Variants in ZSWIM6 observed in about 807,000 individuals in gnomAD.
ZSWIM6 encodes zinc finger SWIM-type containing 6, also known as zinc finger SWIM domain-containing protein 6.
Under a neutral mutation model 113.2 loss-of-function variants are expected in ZSWIM6, and 9 were observed. The observed-to-expected ratio is 0.08, with a 90% CI of 0.05 to 0.14. ZSWIM6 has a LOEUF of 0.14. Ranked by LOEUF, ZSWIM6 falls within the 10% of genes least tolerant of loss-of-function variation. ZSWIM6 has a pLI of 1.00. For missense variants in ZSWIM6, 1,162 were observed against 1,552.2 expected (o/e 0.75, Z 4.22); for synonymous variants, 611 against 606.5 (o/e 1.01, Z -0.11).
chr5:61,401,194 C>T (rs1745933794), intron 1 of ZSWIM6, among the ~76,000 whole-genome samples: 1 of 151,910 alleles, frequency 6.6e-6, no homozygotes, highest in South Asian at 2.1e-4. Context: ...GCATTCCTGA[C>T]CTGGAGTGCC....
At chr5:61,483,374 C>T (rs1324395255) in intron 2 of ZSWIM6, among the ~76,000 whole-genome samples, 1 of 152,184 alleles carries the variant, frequency 6.6e-6, no homozygotes, top group Admixed American at 6.5e-5. Flanking sequence ...CCTTTCAATA[C>T]TGCCACAATG....
chr5:61,470,065 C>T (rs977276385), intron 1 of ZSWIM6, among the ~76,000 whole-genome samples: 1 of 152,200 alleles, frequency 6.6e-6, no homozygotes, highest in African/African-American at 2.4e-5. Flanking sequence ...TCTTTAAATA[C>T]TAACTGGTTT....
At chr5:61,531,365 T>C in intron 8 of ZSWIM6, 100 bp from the exon 9 acceptor site, 1 of 1,352,542 alleles carries the variant, frequency 7.4e-7, no homozygotes, top group Non-Finnish European at 9.9e-7. Flanking sequence ...CATTAATCCA[T>C]AATTCATTTG....
chr5:61,504,859 C>G (rs1044707652), intron 4 of ZSWIM6, among the ~76,000 whole-genome samples: 2 of 152,078 alleles, frequency 1.3e-5, no homozygotes, highest in Admixed American at 1.3e-4. Flanking sequence ...ATAGTGCCCT[C>G]AATTGTAGGC....
chr5:61,436,979 C>T (rs1746721175), intron 1 of ZSWIM6, among the ~76,000 whole-genome samples: 1 of 152,170 alleles, frequency 6.6e-6, no homozygotes, highest in Admixed American at 6.6e-5. Flanking sequence ...CACTTAGAGC[C>T]ATTCTTCGAT....
chr5:61,332,443 C>T lies in ZSWIM6; in HGVS notation c.171C>T (p.Cys57=), dbSNP rs1156341429. The change falls in exon 1 of 14, where the codon TGC becomes TGT. Residue 57 remains cysteine, a synonymous_variant. Transcript: ENST00000252744. ...RAGGAAAAAA[C]GGGAALGLLP... is the part of the protein sequence containing the mutation. ...GTGGCGCGGCGGCGGCGGCGGCGTG[C>T]GGGGGCGGCGCGGCGCTGGGGTTGC... 16 of 1,014,842 alleles carry T rather than the reference C, an allele frequency of 1.6e-5. 1 individual carries two copies. The East Asian group carries it at 1.3e-3, about 80-fold the overall frequency. 62.9% of individuals were successfully genotyped at this position (1,014,842 alleles called of 1,614,324 possible). A position where few individuals can be genotyped will look rare whatever the true frequency, so the allele number is the denominator to read the frequency against.
At chr5:61,352,239 C>T (rs1289829247) in intron 1 of ZSWIM6, among the ~76,000 whole-genome samples, 1 of 152,242 alleles carries the variant, frequency 6.6e-6, no homozygotes, top group African/African-American at 2.4e-5. Context: ...CAACAAATTA[C>T]CTCCTTTGAA....
At chr5:61,538,996 T>A in intron 11 of ZSWIM6, 25 bp downstream of exon 11, 1 of 1,478,604 alleles carries the variant, frequency 6.8e-7, no homozygotes, top group Non-Finnish European at 9.0e-7. Context: ...TGAGGCCTCA[T>A]AATTGTTTCA....
chr5:61,366,203 CA>C (rs1745147647), intron 1 of ZSWIM6, among the ~76,000 whole-genome samples: 1 of 152,170 alleles, frequency 6.6e-6, no homozygotes, highest in African/African-American at 2.4e-5. Flanking sequence ...GCCTAAGTGT[CA>C]TTTTTAATTT....
chr5:61,423,433 A>ACAAAAAAAAAACC (rs1400419190), intron 1 of ZSWIM6, among the ~76,000 whole-genome samples: 4 of 151,780 alleles, frequency 2.6e-5, no homozygotes, highest in African/African-American at 9.7e-5. Context: ...AAAAAAAAAC[A>ACAAAAAAAAAACC]AAACGGCAAC....
In ZSWIM6 at chr5:61,472,186, A is replaced by G. The variant is rs1358072850; in HGVS notation, c.677-495A>G. Among the ~76,000 whole-genome samples, 2 of 152,178 alleles carry G rather than the reference A, an allele frequency of 1.3e-5. No homozygotes were observed. The highest frequency in any genetic ancestry group is 1.9e-4 in the East Asian group (1 of 5,196). On this transcript the variant is annotated intron_variant, in intron 1 of 13. Coordinates refer to ENST00000252744, the MANE Select transcript of ZSWIM6 (RefSeq NM_020928.2). This position sits in a 1 kb window ranked among gnomAD's most constrained non-coding sequence, Gnocchi z 4.1. ...GTGGAAGGGACTCCCTTAGAGTTGC[A>G]GTATTGGTTGGTTGGAGCCAGCTAG...
chr5:61,541,711 G>T (rs769170157), intron 12 of ZSWIM6, among the ~76,000 whole-genome samples, 173 bp from the exon 13 acceptor site: 4 of 152,178 alleles, frequency 2.6e-5, no homozygotes, highest in Non-Finnish European at 5.9e-5. Context: ...GGCCACCTGG[G>T]GTAGCCATGG....
Position 61,472,595 on chromosome 5 carries a change from A to G in ZSWIM6, c.677-86A>G. 1 of 1,080,566 alleles carries G rather than the reference A, an allele frequency of 9.3e-7. No homozygotes were observed. The highest frequency in any genetic ancestry group is 1.3e-6 in the Non-Finnish European group (1 of 787,922). 66.9% of individuals were successfully genotyped at this position (1,080,566 alleles called of 1,614,324 possible). A position where few individuals can be genotyped will look rare whatever the true frequency, so the allele number is the denominator to read the frequency against. On this transcript the variant is annotated intron_variant, in intron 1 of 13. Transcript: ENST00000252744. This position sits in a 1 kb window ranked among gnomAD's most constrained non-coding sequence, Gnocchi z 4.1. Reference sequence around the variant, plus strand: ...TCATATTTTTTTCTTGCTGCTGTCAAGTCCCACACATTTCAAAGAATTAGA... The same window carrying G: ...TCATATTTTTTTCTTGCTGCTGTCAGGTCCCACACATTTCAAAGAATTAGA...
At chr5:61,465,384 T>G (rs986702599) in intron 1 of ZSWIM6, among the ~76,000 whole-genome samples, 1 of 152,116 alleles carries the variant, frequency 6.6e-6, no homozygotes, top group Non-Finnish European at 1.5e-5. Context: ...GGAACCCTTA[T>G]GTGCTTCAGG....
intron 1 of ZSWIM6, among the ~76,000 whole-genome samples, chr5:61,396,997 G>C (rs1410834525): frequency 6.6e-6 from 1 of 152,146 alleles, no homozygotes; most frequent in African/African-American, 2.4e-5. Flanking sequence ...GTTAGGTAGG[G>C]AACTGCTTCT....
chr5:61,517,716 A>G (rs867294522), intron 4 of ZSWIM6, among the ~76,000 whole-genome samples: 25 of 151,896 alleles, frequency 1.6e-4, no homozygotes, highest in Admixed American at 3.3e-4. Flanking sequence ...ATATTGTATC[A>G]TGAGAGCCTG....
At chr5:61,363,167 C>G (rs1036766837) in intron 1 of ZSWIM6, among the ~76,000 whole-genome samples, 5 of 152,144 alleles carry the variant, frequency 3.3e-5, no homozygotes, top group Admixed American at 6.5e-5. Flanking sequence ...GCACTGCCTG[C>G]AAGGAAGGTG....
chr5:61,441,320 A>G (rs549844641), intron 1 of ZSWIM6, among the ~76,000 whole-genome samples: 2 of 152,204 alleles, frequency 1.3e-5, no homozygotes, highest in African/African-American at 2.4e-5. Context: ...GGATAGCTTT[A>G]TGGTTAGTCT....
intron 1 of ZSWIM6, among the ~76,000 whole-genome samples, chr5:61,355,241 G>A (rs1744873822): frequency 6.6e-6 from 1 of 152,152 alleles, no homozygotes; most frequent in Non-Finnish European, 1.5e-5. Context: ...AAGCCCAGGA[G>A]ATGAGAATTC....
Sources: allele counts gnomAD v4.1 joint callset (sites outside exome capture counted in the v4.1 genomes callset), GRCh38; gene constraint gnomAD v4.1.1; non-coding constraint Gnocchi (gnomAD v3.1); transcripts MANE v1.5; gene names NCBI Gene and HGNC (gene_info 2026-07-23, HGNC 2026-07-21).